Variants in CD9 observed in about 807,000 individuals in gnomAD.
The protein encoded by CD9 is CD9 antigen.
Under a neutral mutation model 31.4 loss-of-function variants are expected in CD9, and 10 were observed. That is an observed-to-expected ratio of 0.32 (90% confidence interval 0.20 to 0.54). The LOEUF (loss-of-function observed/expected upper bound fraction) is 0.54, where lower values mean the gene tolerates loss of function less well. Ranked by LOEUF, CD9 falls within the 20% of genes least tolerant of loss-of-function variation. The pLI, the probability that CD9 is intolerant of heterozygous loss-of-function variation, is 0.94. For synonymous variants in CD9, 113 were observed against 114.1 expected (o/e 0.99, Z 0.06); for missense variants, 259 against 300.1 (o/e 0.86, Z 1.01).
Position 6,232,861 on chromosome 12 carries a change from C to A in CD9, c.273+132C>A. The A allele has an allele frequency of 1.4e-6, 1 of 724,810 alleles. No homozygotes were observed. The highest frequency in any genetic ancestry group is 1.5e-5 in the South Asian group (1 of 68,036). The allele number at this position is 724,810 out of a possible 1,614,324, so 44.9% of individuals were successfully genotyped here. A position where few individuals can be genotyped will look rare whatever the true frequency, so the allele number is the denominator to read the frequency against. On this transcript the variant is annotated intron_variant, in intron 3 of 7. Coordinates refer to ENST00000009180, the MANE Select transcript of CD9 (RefSeq NM_001769.4). The surrounding 1 kb of genome is among the most constrained non-coding windows in gnomAD (Gnocchi z 4.8). The stretch of plus-strand genomic sequence containing the variant: ...AAGGTACCCAAAGGGCATGAGCTGT[C>A]CTCAGCCTGGGCCCCTCCCCGATGT...
chr12:6,204,371 T>C (rs1473704060), intron 1 of CD9, among the ~76,000 whole-genome samples: 2 of 152,182 alleles, frequency 1.3e-5, no homozygotes, highest in African/African-American at 2.4e-5. Context: ...TCGTGTCCCC[T>C]AAATCTATAA....
chr12:6,219,098 C>T (rs1230333550), intron 1 of CD9, among the ~76,000 whole-genome samples: 2 of 152,030 alleles, frequency 1.3e-5, no homozygotes, highest in African/African-American at 4.8e-5. Context: ...CTCTGGCTCC[C>T]GGGTTCAAGT....
chr12:6,236,784 G>A (rs540850144), intron 7 of CD9: 9 of 275,446 alleles, frequency 3.3e-5, no homozygotes, highest in Non-Finnish European at 5.4e-5. Flanking sequence ...AGCCCCAGAC[G>A]GAACATGGTC....
rs551878284 is a variant in CD9 at position 6,232,177 on chromosome 12, C to T, written c.176-455C>T. 4.6e-5 allele frequency: 9 copies of T among 197,358 alleles called. No individual in the cohort carries two copies. The East Asian group carries it at 9.5e-4, about 21-fold the overall frequency. 12.2% of individuals were successfully genotyped at this position (197,358 alleles called of 1,614,324 possible). On this transcript the variant is annotated intron_variant, in intron 2 of 7. Coordinates refer to ENST00000009180, the MANE Select transcript of CD9 (RefSeq NM_001769.4). This position sits in a 1 kb window ranked among gnomAD's most constrained non-coding sequence, Gnocchi z 4.8. ...GTGCCTAGGTGTGCACGGCCCCTTCCTGCTGGAAATCTGCTCTGACAGCGT... is the reference window on the plus strand; with the variant it reads ...GTGCCTAGGTGTGCACGGCCCCTTCTTGCTGGAAATCTGCTCTGACAGCGT...
intron 1 of CD9, among the ~76,000 whole-genome samples, chr12:6,214,451 A>T (rs1404453421): frequency 7.2e-6 from 1 of 138,420 alleles, no homozygotes; most frequent in Non-Finnish European, 1.5e-5. Context: ...GATTTAAGCC[A>T]TCCTCCTTCC....
rs113055873 is a variant in CD9 at position 6,202,101 on chromosome 12, G to C, written c.66+1536G>C. ...GAGCTGGTCACTGAGGTCCCCACAA[G>C]CCTCCTTAGGGAAATCTTCTAAGAT... On this transcript the variant is annotated intron_variant, in intron 1 of 7. Coordinates refer to ENST00000009180, the MANE Select transcript of CD9 (RefSeq NM_001769.4). 9.2e-5 allele frequency among the ~76,000 whole-genome samples: 14 copies of C among 152,288 alleles called. 1 individual carries two copies. The highest frequency in any genetic ancestry group is 3.4e-4 in the African/African-American group (14 of 41,558).
At chr12:6,213,992 TC>T (rs1839405851) in intron 1 of CD9, among the ~76,000 whole-genome samples, 1 of 152,134 alleles carries the variant, frequency 6.6e-6, no homozygotes, top group Non-Finnish European at 1.5e-5. Context: ...CTCCCACTTG[TC>T]CCCCAAGAAA....
intron 1 of CD9, among the ~76,000 whole-genome samples, chr12:6,213,870 G>A (rs1297231654): frequency 1.3e-5 from 2 of 152,176 alleles, no homozygotes; most frequent in East Asian, 3.8e-4. Context: ...CAGGGCTAGG[G>A]TCAACACCCC....
intron 1 of CD9, among the ~76,000 whole-genome samples, chr12:6,216,812 T>C (rs1946247863): frequency 6.6e-6 from 1 of 152,162 alleles, no homozygotes; most frequent in Admixed American, 6.5e-5. Flanking sequence ...CCTTCTCCGA[T>C]CACAGGAGGA....
chr12:6,225,816 G>C (rs2136626066), intron 2 of CD9: 1 of 422,226 alleles, frequency 2.4e-6, no homozygotes, highest in South Asian at 3.0e-5. Context: ...ACTCATTCTT[G>C]AGGGTTTACG....
intron 1 of CD9, among the ~76,000 whole-genome samples, chr12:6,202,529 AAC>A (rs1946088561): frequency 6.6e-6 from 1 of 152,238 alleles, no homozygotes. Context: ...ACTGCAGGGA[AAC>A]ACAGACTGCC....
rs115489830 is a variant in CD9 at position 6,201,477 on chromosome 12, G to A, written c.66+912G>A. ...AGGCGGCCCACCCAAGGCCAGGCAG[G>A]GCGCAGAGCGGACGTTCATCTGGAG... is the stretch of plus-strand genomic sequence containing the variant. On this transcript the variant is annotated intron_variant, in intron 1 of 7. Transcript: ENST00000009180. Among the ~76,000 whole-genome samples the A allele has an allele frequency of 6.9e-3, 1,046 of 152,338 alleles. 12 individuals carry two copies. Among genetic ancestry groups the A allele is most frequent in the African/African-American group, 0.024 (986 of 41,576 alleles).
intron 1 of CD9, among the ~76,000 whole-genome samples, chr12:6,222,904 C>T (rs759915560): frequency 4.6e-5 from 7 of 152,134 alleles, no homozygotes; most frequent in Non-Finnish European, 8.8e-5. Flanking sequence ...TTCTTTTCTG[C>T]GACTCAGTTT....
chr12:6,233,261 A>G (rs1946474447), intron 3 of CD9, 151 bp from the exon 4 acceptor site: 6 of 655,456 alleles, frequency 9.2e-6, no homozygotes, highest in African/African-American at 3.6e-5. Context: ...TGTTCTGTGA[A>G]CTTCTTCCCT....
intron 1 of CD9, among the ~76,000 whole-genome samples, chr12:6,224,239 G>A (rs1419571444): frequency 2.6e-5 from 4 of 152,178 alleles, no homozygotes; most frequent in African/African-American, 9.7e-5. Flanking sequence ...GGGAAGGGCC[G>A]CATCTCACAA....
intron 1 of CD9, among the ~76,000 whole-genome samples, chr12:6,209,461 A>G (rs572431698): frequency 6.6e-6 from 1 of 152,196 alleles, no homozygotes; most frequent in Non-Finnish European, 1.5e-5. Flanking sequence ...TCCCACTAAG[A>G]CATATTCCTC....
chr12:6,201,894 T>C (rs1178115748), intron 1 of CD9, among the ~76,000 whole-genome samples: 2 of 152,068 alleles, frequency 1.3e-5, no homozygotes, highest in Non-Finnish European at 2.9e-5. Context: ...AAAAATTAGC[T>C]GGGCGTGTTG....
chr12:6,203,148 C>T (rs1267249849), intron 1 of CD9, among the ~76,000 whole-genome samples: 2 of 152,118 alleles, frequency 1.3e-5, no homozygotes, highest in Non-Finnish European at 2.9e-5. Flanking sequence ...CCCCACTGTA[C>T]TGATGATCAG....
intron 2 of CD9, among the ~76,000 whole-genome samples, chr12:6,230,044 C>T (rs911812036): frequency 2.2e-4 from 33 of 152,172 alleles, no homozygotes; most frequent in African/African-American, 7.7e-4. Context: ...CGATGAGTAG[C>T]TTCTCCAAAG....
Sources: gnomAD v4.1 joint callset for allele counts (sites outside exome capture counted in the v4.1 genomes callset) on GRCh38, gnomAD v4.1.1 for gene constraint, Gnocchi (gnomAD v3.1) non-coding constraint, MANE v1.5 for transcripts, NCBI Gene and HGNC (gene_info 2026-07-23, HGNC 2026-07-21) for gene names.